Variants in TEX9 observed in about 807,000 individuals in gnomAD.
The protein encoded by TEX9 is testis expressed 9.
TEX9 carries 74 observed loss-of-function variants against 59.6 expected under a neutral mutation model. That is an observed-to-expected ratio of 1.24 (90% CI 1.03 to 1.51). TEX9 has a LOEUF of 1.51. Among genes scored for constraint, TEX9 ranks in the 40% most tolerant of loss-of-function variants. The pLI is 0.00. For missense variants in TEX9, 522 were observed against 447.8 expected (o/e 1.17, Z -1.49); for synonymous variants, 186 against 152.2 (o/e 1.22, Z -1.64).
intron 10 of TEX9, among the ~76,000 whole-genome samples, chr15:56,422,062 A>G (rs2050002628): frequency 7.4e-6 from 1 of 134,498 alleles, no homozygotes; most frequent in African/African-American, 2.9e-5. Flanking sequence ...ACAATGGTTG[A>G]ACTAGTTTAC....
In TEX9 at chr15:56,348,816, C is replaced by A. The variant is rs534682657; in HGVS notation, c.-106-24625C>A. Among the ~76,000 whole-genome samples the A allele has an allele frequency of 1.8e-4, 28 of 152,162 alleles. No individual in the cohort carries two copies. The South Asian group carries it at 5.2e-3, about 28-fold the overall frequency. ...ATTATTTCTTTAAATGTTTCTTCTG[C>A]CTCATTCTGTCTTTTCCTTCCTCCT... On this transcript the variant is annotated intron_variant, in intron 1 of 5. Coordinates refer to the TEX9 transcript ENST00000560827.
chr15:56,275,792 C>T (rs574032264), intron 1 of TEX9, among the ~76,000 whole-genome samples: 1 of 152,082 alleles, frequency 6.6e-6, no homozygotes, highest in Admixed American at 6.5e-5. Context: ...TACTGTGCTT[C>T]CATTCATTCT....
chr15:56,391,142 G>T, intron 6 of TEX9, 101 bp from the exon 7 acceptor site: 1 of 602,818 alleles, frequency 1.7e-6, no homozygotes. Context: ...TAATAATTTT[G>T]ATCTGCTTAT....
At chr15:56,384,433 A>T (rs2047872783) in intron 4 of TEX9, among the ~76,000 whole-genome samples, 1 of 152,132 alleles carries the variant, frequency 6.6e-6, no homozygotes, top group Admixed American at 6.5e-5. Flanking sequence ...GGACCTCCAA[A>T]TGACTTTCCA....
chr15:56,295,883 A>AG (rs1447901134), intron 1 of TEX9, among the ~76,000 whole-genome samples: 2 of 152,130 alleles, frequency 1.3e-5, no homozygotes, highest in Admixed American at 6.5e-5. Flanking sequence ...CCTGCTCTTG[A>AG]GGGGCTGAAT....
intron 2 of TEX9, among the ~76,000 whole-genome samples, chr15:56,370,489 A>G (rs995189350): frequency 2.0e-5 from 3 of 152,078 alleles, no homozygotes; most frequent in African/African-American, 4.8e-5. Flanking sequence ...GTTACTTTGC[A>G]TTTATTCTTC....
chr15:56,348,363 A>C lies in TEX9; in HGVS notation c.-106-25078A>C, dbSNP rs78376957. Among the ~76,000 whole-genome samples the C allele has an allele frequency of 5.5e-3, 831 of 152,202 alleles. 6 individuals are homozygous for C. The highest frequency in any genetic ancestry group is 0.019 in the African/African-American group (786 of 41,556). ...ATAATTGAGATTCCAGCTCCTGGAC[A>C]CCCAGAGAGAAACAGTTGATTTCAT... On this transcript the variant is annotated intron_variant, in intron 1 of 5. Transcript: ENST00000560827.
At chr15:56,365,293 G>A (rs964051330), upstream of TEX9, 41 of 972,462 alleles carry the variant, frequency 4.2e-5, 1 homozygote, top group Non-Finnish European at 3.0e-6. Flanking sequence ...CGAGTGCTGC[G>A]AGCAAAGGCC....
intron 9 of TEX9, among the ~76,000 whole-genome samples, chr15:56,401,709 A>C (rs2048793805): frequency 6.6e-6 from 1 of 152,198 alleles, no homozygotes; most frequent in South Asian, 2.1e-4. Flanking sequence ...CACTTATTCT[A>C]AAATTGACCA....
At chr15:56,287,471 C>T (rs1052644088) in intron 1 of TEX9, among the ~76,000 whole-genome samples, 13 of 152,068 alleles carry the variant, frequency 8.5e-5, no homozygotes. Context: ...TATATGTATA[C>T]ATCATAGAAT....
intron 1 of TEX9, among the ~76,000 whole-genome samples, chr15:56,288,032 A>G (rs913989594): frequency 2.0e-5 from 3 of 152,182 alleles, no homozygotes; most frequent in Non-Finnish European, 2.9e-5. Context: ...CTTTGGATAT[A>G]TACGCAGTAG....
chr15:56,300,551 G>A (rs1372143244), intron 1 of TEX9, among the ~76,000 whole-genome samples: 1 of 152,052 alleles, frequency 6.6e-6, no homozygotes, highest in African/African-American at 2.4e-5. Context: ...AACATAAGCA[G>A]AAGCCAGGCA....
chr15:56,376,310 G>A (rs2047449912), intron 3 of TEX9, among the ~76,000 whole-genome samples: 1 of 152,068 alleles, frequency 6.6e-6, no homozygotes. Flanking sequence ...GATAACTTTA[G>A]TTTTTTGAGG....
chr15:56,443,583 C>G (rs1596262006), intron 12 of TEX9: 1 of 1,584,940 alleles, frequency 6.3e-7, no homozygotes, highest in East Asian at 2.2e-5. Flanking sequence ...GATCCAAATT[C>G]TGTAACTAAT....
downstream of TEX9, among the ~76,000 whole-genome samples, chr15:56,449,066 C>G (rs1455410568): frequency 2.0e-5 from 3 of 152,018 alleles, no homozygotes; most frequent in African/African-American, 7.2e-5. Flanking sequence ...TTTGTAGATG[C>G]TTTTGGATGT....
At chr15:56,369,659 G>A (rs929785183) in intron 2 of TEX9, among the ~76,000 whole-genome samples, 1 of 152,062 alleles carries the variant, frequency 6.6e-6, no homozygotes, top group African/African-American at 2.4e-5. Context: ...GAGAATTGAT[G>A]TGATATTAAG....
At chr15:56,249,804 A>G (rs1226825311) in intron 1 of TEX9, among the ~76,000 whole-genome samples, 2 of 151,134 alleles carry the variant, frequency 1.3e-5, no homozygotes, top group Non-Finnish European at 3.0e-5. Flanking sequence ...AGGTGGAATT[A>G]CAGAAAAAAA....
intron 1 of TEX9, among the ~76,000 whole-genome samples, chr15:56,278,404 C>T (rs528547626): frequency 7.2e-5 from 11 of 152,144 alleles, no homozygotes; most frequent in Non-Finnish European, 1.2e-4. Flanking sequence ...AGGTTAGTTG[C>T]GGGTTGCCGT....
At chr15:56,268,918 A>AC (rs1260519975) in intron 1 of TEX9, among the ~76,000 whole-genome samples, 1 of 151,468 alleles carries the variant, frequency 6.6e-6, no homozygotes, top group East Asian at 2.0e-4. Context: ...TCCTTTTTGT[A>AC]CCTCTGGTAG....
Sources: allele counts gnomAD v4.1 joint callset (sites outside exome capture counted in the v4.1 genomes callset), GRCh38; gene constraint gnomAD v4.1.1; transcripts MANE v1.5; gene names NCBI Gene and HGNC (gene_info 2026-07-23, HGNC 2026-07-21).